The following DCDC1 variants were observed in gnomAD, a reference collection of about 807,000 sequenced individuals.
The protein encoded by DCDC1 is doublecortin domain containing 1.
In DCDC1, 200 loss-of-function variants were observed where a neutral mutation model predicts 178.3. That is an observed-to-expected ratio of 1.12 (90% CI 1.00 to 1.26). The LOEUF is 1.26. Among genes scored for constraint, DCDC1 ranks in the 50% most tolerant of loss-of-function variants. The pLI is 0.00. For synonymous variants in DCDC1, 690 were observed against 604.8 expected, an observed-to-expected ratio of 1.14 and a Z score of -2.07; for missense variants, 1,983 against 1,749.2, an observed-to-expected ratio of 1.13 and a Z score of -2.38.
chr11:31,208,668 C>T (rs1472439627), intron 9 of DCDC1, among the ~76,000 whole-genome samples: 1 of 152,174 alleles, frequency 6.6e-6, no homozygotes, highest in Non-Finnish European at 1.5e-5. Context: ...CATGTCCCCA[C>T]CTCACCACCA....
intron 8 of DCDC1, among the ~76,000 whole-genome samples, chr11:31,255,852 CTT>C (rs1944386459): frequency 6.6e-6 from 1 of 151,910 alleles, no homozygotes; most frequent in South Asian, 2.1e-4. Context: ...CTATTTTTTT[CTT>C]TTCTTTGCTC....
chr11:31,268,554 T>C (rs1160609110), intron 7 of DCDC1, among the ~76,000 whole-genome samples: 1 of 152,222 alleles, frequency 6.6e-6, no homozygotes, highest in African/African-American at 2.4e-5. Context: ...GGACATACTT[T>C]CATTCTTTTT....
intron 22 of DCDC1, among the ~76,000 whole-genome samples, chr11:30,928,115 C>T (rs1222375380): frequency 6.6e-6 from 1 of 152,118 alleles, no homozygotes; most frequent in South Asian, 2.1e-4. Context: ...AATGCCCCCC[C>T]TTGGAAATGA....
chr11:30,980,541 T>C (rs1590645069), intron 20 of DCDC1, among the ~76,000 whole-genome samples: 1 of 152,160 alleles, frequency 6.6e-6, no homozygotes, highest in Non-Finnish European at 1.5e-5. Flanking sequence ...GGTGTGGCTG[T>C]GAATTTGGAA....
At chr11:31,169,445 T>C (rs208090) in intron 9 of DCDC1, among the ~76,000 whole-genome samples, 45,734 of 152,014 alleles carry the variant, frequency 0.3, 8,323 homozygotes, top group East Asian at 0.63. Flanking sequence ...TAAATGAATA[T>C]AAAGGTATAA....
intron 35 of DCDC1, among the ~76,000 whole-genome samples, chr11:30,893,228 G>A (rs1943933277): frequency 6.6e-6 from 1 of 152,074 alleles, no homozygotes; most frequent in Non-Finnish European, 1.5e-5. Context: ...ATAATAATAA[G>A]GCACTCATTT....
chr11:30,983,349 G>C (rs1247416048), intron 20 of DCDC1, among the ~76,000 whole-genome samples: 1 of 152,068 alleles, frequency 6.6e-6, no homozygotes, highest in Non-Finnish European at 1.5e-5. Flanking sequence ...CTAATAAATG[G>C]AATTATACAG....
chr11:31,094,199 G>A lies in DCDC1; in HGVS notation c.1984-15C>T. 1.3e-6 allele frequency: 1 copy of A among 765,700 alleles called. No individual in the cohort carries two copies. The highest frequency in any genetic ancestry group is 2.4e-6 in the Non-Finnish European group (1 of 417,508). 47.4% of individuals were successfully genotyped at this position (765,700 alleles called of 1,614,324 possible). Reference sequence around the variant, plus strand: ...TTGGGATCTACCTGTATCATAAGAAGAAGTATGCATTTTTAACTCATAGTC... The same window carrying A: ...TTGGGATCTACCTGTATCATAAGAAAAAGTATGCATTTTTAACTCATAGTC... On this transcript the variant is annotated splice_polypyrimidine_tract_variant and intron_variant, in intron 15 of 38. Coordinates refer to ENST00000684477, the MANE Select transcript of DCDC1 (RefSeq NM_001387274.1).
At chr11:31,336,826 G>C (rs1950295843) in intron 1 of DCDC1, among the ~76,000 whole-genome samples, 1 of 152,184 alleles carries the variant, frequency 6.6e-6, no homozygotes, top group Admixed American at 6.5e-5. Flanking sequence ...AGTGGAGATG[G>C]TCCATGCAAG....
chr11:31,173,350 A>T (rs1039877485), intron 9 of DCDC1, among the ~76,000 whole-genome samples: 9 of 152,192 alleles, frequency 5.9e-5, no homozygotes, highest in Admixed American at 1.3e-4. Context: ...GCATTTATAA[A>T]ATAAGAGTTT....
intron 1 of DCDC1, among the ~76,000 whole-genome samples, chr11:31,366,015 A>T (rs1002523854): frequency 1.3e-5 from 2 of 152,202 alleles, no homozygotes; most frequent in African/African-American, 4.8e-5. Flanking sequence ...TAATAACAAC[A>T]ATAGCTAACC....
intron 20 of DCDC1, among the ~76,000 whole-genome samples, chr11:30,967,921 T>C (rs74970730): frequency 6.6e-6 from 1 of 151,466 alleles, no homozygotes; most frequent in Admixed American, 6.6e-5. Flanking sequence ...AGAAAAAAAA[T>C]GATGAGGTAT....
At chr11:31,219,053 A>G (rs1308214091) in intron 9 of DCDC1, among the ~76,000 whole-genome samples, 1 of 152,100 alleles carries the variant, frequency 6.6e-6, no homozygotes, top group Admixed American at 6.6e-5. Context: ...CGGAGCTCCG[A>G]AGGCTGGCCA....
intron 7 of DCDC1, among the ~76,000 whole-genome samples, chr11:31,286,551 T>C (rs368634419): frequency 1.3e-5 from 2 of 151,876 alleles, no homozygotes; most frequent in Non-Finnish European, 2.9e-5. Context: ...TATTAAAAGA[T>C]TGACACAACA....
At chr11:31,079,737 T>C (rs1048207591) in intron 17 of DCDC1, among the ~76,000 whole-genome samples, 2 of 151,964 alleles carry the variant, frequency 1.3e-5, no homozygotes, top group Admixed American at 6.6e-5. Flanking sequence ...GTGAAGTGTA[T>C]GAAGTAGAGA....
intron 9 of DCDC1, among the ~76,000 whole-genome samples, chr11:31,210,710 C>CA (rs533444227): frequency 0.013 from 656 of 50,578 alleles, 3 homozygotes; most frequent in East Asian, 0.028. Context: ...GACTCCGTCT[C>CA]AAAAAAAAAA....
At chr11:31,156,481 A>G (rs2136130856) in intron 9 of DCDC1, among the ~76,000 whole-genome samples, 1 of 152,238 alleles carries the variant, frequency 6.6e-6, no homozygotes, top group East Asian at 1.9e-4. Context: ...TAAATTATCT[A>G]GTAGCTGCAG....
At chr11:30,913,754 G>A (rs1300825903) in intron 27 of DCDC1, among the ~76,000 whole-genome samples, 1 of 152,156 alleles carries the variant, frequency 6.6e-6, no homozygotes, top group African/African-American at 2.4e-5. Flanking sequence ...TAGAGTTTTA[G>A]GCAGACAGAC....
At chr11:31,042,638 G>A (rs1954542818) in intron 20 of DCDC1, among the ~76,000 whole-genome samples, 1 of 152,102 alleles carries the variant, frequency 6.6e-6, no homozygotes, top group Admixed American at 6.5e-5. Flanking sequence ...GAGCAGGTGA[G>A]TTGAAATATC....
Sources: gnomAD v4.1 joint callset for allele counts (sites outside exome capture counted in the v4.1 genomes callset) on GRCh38, gnomAD v4.1.1 for gene constraint, MANE v1.5 for transcripts, NCBI Gene and HGNC (gene_info 2026-07-23, HGNC 2026-07-21) for gene names.